GLRB: variants seen among roughly 807,000 people sequenced by gnomAD.
The protein encoded by GLRB is glycine receptor beta, also known as glycine receptor subunit beta.
A neutral mutation model predicts 54.2 loss-of-function variants in GLRB; 33 were observed. The observed-to-expected ratio is 0.61, with a 90% CI of 0.46 to 0.81. The LOEUF (loss-of-function observed/expected upper bound fraction) is 0.81. GLRB is among the 40% of genes least tolerant of loss of function. The probability of loss-of-function intolerance (pLI) is 0.00; values close to 1 mark genes in which losing one functional copy is unlikely to be tolerated. For synonymous variants in GLRB, 209 were observed against 208.2 expected (o/e 1.00, Z -0.03); for missense variants, 572 against 584.6 (o/e 0.98, Z 0.22).
chr4:157,085,692 T>C (rs909802899), intron 2 of GLRB, among the ~76,000 whole-genome samples: 1 of 152,044 alleles, frequency 6.6e-6, no homozygotes, highest in African/African-American at 2.4e-5. Flanking sequence ...AGAGATGGGG[T>C]TTCACTGTGT....
chr4:157,148,996 T>TA (rs140522407), intron 8 of GLRB, among the ~76,000 whole-genome samples: 2,926 of 152,182 alleles, frequency 0.019, 36 homozygotes, highest in Middle Eastern at 0.048. Context: ...TAATTTTATC[T>TA]AAAAAGAAAA....
At chr4:157,078,257 T>C (rs1734109235) in intron 2 of GLRB, 111 bp downstream of exon 2, 6 of 1,541,714 alleles carry the variant, frequency 3.9e-6, no homozygotes, top group Non-Finnish European at 4.4e-6. Context: ...TATCGGAATG[T>C]ATATCCATCT....
rs375191862 is a variant in GLRB, at chr4:157,113,859, G to C, written c.123-6697G>C. ...TTAAACTAAACTAATCATGTAAAAG[G>C]TATCACTCACTGTCTGCATTCATAA... On this transcript the variant is annotated intron_variant, in intron 2 of 9. Transcript: ENST00000264428. 2.0e-4 allele frequency among the ~76,000 whole-genome samples: 31 copies of C among 151,922 alleles called. No homozygotes were observed. The East Asian group carries it at 5.5e-3, about 27-fold the overall frequency.
At chr4:157,094,161 C>T (rs1734721260) in intron 2 of GLRB, among the ~76,000 whole-genome samples, 1 of 151,978 alleles carries the variant, frequency 6.6e-6, no homozygotes, top group Admixed American at 6.6e-5. Context: ...CCTTGGTAAC[C>T]AGCACACGGA....
At position 157,106,505 on chromosome 4, in the gene GLRB, T is replaced by G. The variant is rs531270991; in HGVS notation, c.123-14051T>G. ...GTGTACTGAGTAGGGAAGATCTGCC[T>G]TCTATGTGGGTGAACACTACCCAAT... On this transcript the variant is annotated intron_variant, in intron 2 of 9. Coordinates refer to ENST00000264428, the MANE Select transcript of GLRB (RefSeq NM_000824.5). 1.2e-4 allele frequency among the ~76,000 whole-genome samples: 19 copies of G among 152,216 alleles called. 1 individual carries two copies. The South Asian group carries it at 3.9e-3, about 32-fold the overall frequency.
At chr4:157,170,398 T>A in intron 9 of GLRB, 34 bp from the exon 10 acceptor site, 1 of 1,357,432 alleles carries the variant, frequency 7.4e-7, no homozygotes, top group Non-Finnish European at 1.1e-6. Context: ...AGTAGAAAAG[T>A]TTTAAATACA....
At chr4:157,152,439 A>T (rs1461996579) in intron 8 of GLRB, among the ~76,000 whole-genome samples, 1 of 152,190 alleles carries the variant, frequency 6.6e-6, no homozygotes, top group Admixed American at 6.5e-5. Flanking sequence ...CATCTTTAAT[A>T]TTGAAAACAG....
intron 8 of GLRB, 44 bp downstream of exon 8, chr4:157,144,003 A>G (rs748929954): frequency 7.0e-6 from 11 of 1,561,832 alleles, no homozygotes; most frequent in East Asian, 2.2e-5. Context: ...AACAGATTAT[A>G]TCTTTATCTA....
chr4:157,154,408 T>C (rs1260809306), intron 9 of GLRB, among the ~76,000 whole-genome samples: 1 of 150,794 alleles, frequency 6.6e-6, no homozygotes, highest in Non-Finnish European at 1.5e-5. Flanking sequence ...TTTTTGTTTC[T>C]CTATCTTCTT....
At chr4:157,093,436 C>T (rs1038457894) in intron 2 of GLRB, among the ~76,000 whole-genome samples, 9 of 151,982 alleles carry the variant, frequency 5.9e-5, no homozygotes, top group African/African-American at 1.5e-4. Flanking sequence ...TAAAAAGAAG[C>T]GAAGTATAAA....
chr4:157,172,077 T>C lies in GLRB; in HGVS notation c.*1349T>C, dbSNP rs966348142. On this transcript the variant is annotated 3_prime_UTR_variant, in exon 10 of 10. Transcript: ENST00000264428. ...TGGCAAATTCAATAATAAAGTATTGTTTATGCAAATTGCCATATGTAATTC... is the reference window on the plus strand; with the variant it reads ...TGGCAAATTCAATAATAAAGTATTGCTTATGCAAATTGCCATATGTAATTC... 6 of 151,900 alleles carry C rather than the reference T, an allele frequency of 3.9e-5. No homozygotes were observed. The highest frequency in any genetic ancestry group is 1.4e-4 in the African/African-American group (6 of 41,436). The allele number at this position is 151,900 out of a possible 1,614,324, so 9.4% of individuals were successfully genotyped here.
chr4:157,139,480 C>T (rs958833313), intron 7 of GLRB, among the ~76,000 whole-genome samples: 2 of 152,158 alleles, frequency 1.3e-5, no homozygotes, highest in East Asian at 3.9e-4. Context: ...GGTCACAGAA[C>T]AGCCAATTAT....
At chr4:157,152,312 C>A (rs1250902500) in intron 8 of GLRB, among the ~76,000 whole-genome samples, 2 of 151,926 alleles carry the variant, frequency 1.3e-5, no homozygotes, top group Non-Finnish European at 2.9e-5. Context: ...CTCATGGGGA[C>A]AAAACTCAGC....
intron 2 of GLRB, among the ~76,000 whole-genome samples, chr4:157,117,722 C>T (rs749270160): frequency 4.0e-5 from 6 of 151,560 alleles, no homozygotes; most frequent in Non-Finnish European, 8.9e-5. Flanking sequence ...CTGAAATATA[C>T]CTAGAAGAGA....
At chr4:157,127,527 T>C (rs1175748912) in intron 4 of GLRB, among the ~76,000 whole-genome samples, 1 of 151,894 alleles carries the variant, frequency 6.6e-6, no homozygotes, top group Non-Finnish European at 1.5e-5. Flanking sequence ...TTCAAACCTG[T>C]GGATATGCTG....
intron 9 of GLRB, among the ~76,000 whole-genome samples, chr4:157,158,725 GT>G (rs1200614612): frequency 6.6e-6 from 1 of 152,112 alleles, no homozygotes; most frequent in African/African-American, 2.4e-5. Flanking sequence ...TGCTGTTTTG[GT>G]TACTGTAGCC....
chr4:157,143,108 G>T (rs1736677795), intron 7 of GLRB, among the ~76,000 whole-genome samples: 1 of 152,140 alleles, frequency 6.6e-6, no homozygotes, highest in Admixed American at 6.6e-5. Context: ...AACAATTTCT[G>T]CATTTGTCTT....
intron 9 of GLRB, among the ~76,000 whole-genome samples, chr4:157,165,077 T>G (rs1249736066): frequency 1.3e-5 from 2 of 152,058 alleles, no homozygotes; most frequent in Non-Finnish European, 2.9e-5. Flanking sequence ...TAGAAATAAA[T>G]GTAAATTACT....
intron 9 of GLRB, among the ~76,000 whole-genome samples, chr4:157,166,365 G>A (rs1737707869): frequency 6.6e-6 from 1 of 151,954 alleles, no homozygotes; most frequent in African/African-American, 2.4e-5. Context: ...CTTTTCATGT[G>A]ATGTTATAAC....
Sources: allele counts gnomAD v4.1 joint callset (sites outside exome capture counted in the v4.1 genomes callset), GRCh38; gene constraint gnomAD v4.1.1; transcripts MANE v1.5; gene names NCBI Gene and HGNC (gene_info 2026-07-23, HGNC 2026-07-21).